Variants in GRIA1 observed in about 807,000 individuals in gnomAD.
The protein encoded by GRIA1 is glutamate receptor 1.
GRIA1 carries 31 observed loss-of-function variants against 99.2 expected under a neutral mutation model. The ratio of observed to expected loss-of-function variants is 0.31; its 90% CI spans 0.23 to 0.42. The LOEUF (loss-of-function observed/expected upper bound fraction) is 0.42, where lower values mean the gene tolerates loss of function less well. Ranked by LOEUF, GRIA1 falls within the 10% of genes least tolerant of loss-of-function variation. The pLI, the probability that GRIA1 is intolerant of heterozygous loss-of-function variation, is 1.00. For synonymous variants in GRIA1, 438 were observed against 432.4 expected (o/e 1.01, Z -0.16); for missense variants, 782 against 1,157.5 (o/e 0.68, Z 4.71).
chr5:153,805,686 G>A (rs1766378503), intron 15 of GRIA1, among the ~76,000 whole-genome samples: 1 of 152,036 alleles, frequency 6.6e-6, no homozygotes, highest in Admixed American at 6.5e-5. Flanking sequence ...CTTAAAACTG[G>A]GACCATGTTG....
chr5:153,495,992 C>A (rs1429521460), intron 2 of GRIA1, among the ~76,000 whole-genome samples: 1 of 152,182 alleles, frequency 6.6e-6, no homozygotes, highest in Non-Finnish European at 1.5e-5. Flanking sequence ...GAATAAATAG[C>A]TGGTGTGTGT....
intron 12 of GRIA1, among the ~76,000 whole-genome samples, chr5:153,768,452 G>A (rs1244956744): frequency 2.0e-5 from 3 of 152,138 alleles, no homozygotes; most frequent in African/African-American, 7.2e-5. Context: ...GATATCCAGG[G>A]CTCCTCACAG....
intron 2 of GRIA1, among the ~76,000 whole-genome samples, chr5:153,610,002 G>A (rs890946156): frequency 6.6e-6 from 1 of 152,182 alleles, no homozygotes; most frequent in Non-Finnish European, 1.5e-5. Flanking sequence ...AAGCCCCTAT[G>A]GGGTTGGCAT....
intron 13 of GRIA1, among the ~76,000 whole-genome samples, chr5:153,785,022 C>G (rs2149644654): frequency 6.6e-6 from 1 of 152,222 alleles, no homozygotes; most frequent in East Asian, 1.9e-4. Flanking sequence ...AAAAATCCAC[C>G]CAGAGAAGGT....
chr5:153,710,604 T>C (rs1222047313), intron 11 of GRIA1, among the ~76,000 whole-genome samples: 1 of 152,234 alleles, frequency 6.6e-6, no homozygotes, highest in Non-Finnish European at 1.5e-5. Flanking sequence ...ACAAAACTTA[T>C]CTTTAGTACC....
intron 2 of GRIA1, among the ~76,000 whole-genome samples, chr5:153,597,101 G>A (rs536378226): frequency 6.6e-6 from 1 of 152,366 alleles, no homozygotes; most frequent in South Asian, 2.1e-4. Flanking sequence ...AAGGTCCTTT[G>A]AAGGGTTCAC....
rs34449755 is a variant in GRIA1 at position 153,491,245 on chromosome 5, GA to G, written c.82+285del. 1.5e-3 allele frequency: 1,857 copies of G among 1,231,572 alleles called. 2 individuals are homozygous for G. Among genetic ancestry groups the G allele is most frequent in the East Asian group, 4.2e-3 (134 of 31,654 alleles). The allele number at this position is 1,231,572 out of a possible 1,614,324, so 76.3% of individuals were successfully genotyped here. The stretch of plus-strand genomic sequence containing the variant: ...AAATGGAGGAACCATCGCTTTGGAG[GA>G]AAAAAAAAATCAGGCTGGAAAGGGT... On this transcript the variant is annotated intron_variant, in intron 1 of 15. Transcript: ENST00000285900.
At chr5:153,526,277 A>G (rs1222384983) in intron 2 of GRIA1, among the ~76,000 whole-genome samples, 1 of 152,214 alleles carries the variant, frequency 6.6e-6, no homozygotes, top group Non-Finnish European at 1.5e-5. Flanking sequence ...TCTATGAATT[A>G]ACACTTAGGA....
intron 1 of GRIA1, chr5:153,492,382 C>CAGCGCGT: frequency 7.4e-7 from 1 of 1,359,976 alleles, no homozygotes; most frequent in Non-Finnish European, 9.7e-7. Flanking sequence ...CCTTGTAGCC[C>CAGCGCGT]AGCCCGTAGC....
intron 2 of GRIA1, among the ~76,000 whole-genome samples, chr5:153,619,918 C>T (rs1326051323): frequency 6.6e-6 from 1 of 152,112 alleles, no homozygotes; most frequent in African/African-American, 2.4e-5. Flanking sequence ...CAAACTCCAC[C>T]CCAGAGCACT....
chr5:153,628,265 G>C lies in GRIA1; in HGVS notation c.221-18663G>C, dbSNP rs138461431. Among the ~76,000 whole-genome samples, 341 of 152,290 alleles carry C rather than the reference G, an allele frequency of 2.2e-3. 4 individuals are homozygous for C. Among genetic ancestry groups the C allele is most frequent in the African/African-American group, 8.1e-3 (336 of 41,552 alleles). ...CAGTGATGAGATTCTGCTCATCACA[G>C]GGGAGTTGGTGTAAAGAGGAAAGTC... On this transcript the variant is annotated intron_variant, in intron 2 of 15. Transcript: ENST00000285900.
At chr5:153,693,748 T>A (rs1217354676) in intron 8 of GRIA1, among the ~76,000 whole-genome samples, 1 of 152,226 alleles carries the variant, frequency 6.6e-6, no homozygotes, top group Non-Finnish European at 1.5e-5. Flanking sequence ...TAGGCCCCAA[T>A]CTTTACCAAC....
intron 14 of GRIA1, among the ~76,000 whole-genome samples, chr5:153,800,416 G>C (rs1220034438): frequency 2.0e-5 from 3 of 152,168 alleles, no homozygotes; most frequent in Non-Finnish European, 4.4e-5. Context: ...CATGTGAAGT[G>C]GGAATTTACC....
intron 4 of GRIA1, among the ~76,000 whole-genome samples, chr5:153,654,494 G>C (rs1326040878): frequency 1.3e-5 from 2 of 152,002 alleles, no homozygotes; most frequent in African/African-American, 4.8e-5. Flanking sequence ...CAAACCATTT[G>C]ACAAGCAGAT....
In GRIA1 at chr5:153,698,890, G is replaced by A; in HGVS notation, c.1269G>A (p.Lys423=). The change falls in exon 10 of 16, where the codon AAG becomes AAA. Residue 423 remains lysine (K), a synonymous_variant. Transcript: ENST00000285900. ...TILEDPYVML[K]KNANQFEGND... ...AGGAAGATCCTTATGTGATGCTCAA[G>A]AAGAACGCCAATCAGTTTGAGGGCA... 1 of 1,613,254 alleles carries A rather than the reference G, an allele frequency of 6.2e-7. No homozygotes were observed. Among genetic ancestry groups the A allele is most frequent in the African/African-American group, 1.3e-5 (1 of 75,028 alleles).
At chr5:153,793,106 G>T (rs1412521154) in intron 13 of GRIA1, among the ~76,000 whole-genome samples, 1 of 152,128 alleles carries the variant, frequency 6.6e-6, no homozygotes, top group Admixed American at 6.5e-5. Context: ...CCCAGGGAGG[G>T]ATCAACATGC....
chr5:153,791,217 T>C (rs1463415243), intron 13 of GRIA1, among the ~76,000 whole-genome samples: 2 of 151,538 alleles, frequency 1.3e-5, no homozygotes, highest in African/African-American at 4.8e-5. Context: ...GGAGGATTGC[T>C]TGAGGCCAGG....
intron 11 of GRIA1, among the ~76,000 whole-genome samples, chr5:153,723,423 G>A (rs931411470): frequency 2.0e-5 from 3 of 152,242 alleles, no homozygotes; most frequent in African/African-American, 7.2e-5. Flanking sequence ...CCATGCACGA[G>A]CTGAAGCAGG....
intron 11 of GRIA1, 194 bp downstream of exon 11, chr5:153,706,261 T>A (rs574232549): frequency 2.8e-5 from 17 of 609,716 alleles, no homozygotes; most frequent in Admixed American, 8.6e-5. Flanking sequence ...AGCTGGGCCA[T>A]CTCTGTCTGC....
Sources: gnomAD v4.1 joint callset for allele counts (sites outside exome capture counted in the v4.1 genomes callset) on GRCh38, gnomAD v4.1.1 for gene constraint, MANE v1.5 for transcripts, NCBI Gene and HGNC (gene_info 2026-07-23, HGNC 2026-07-21) for gene names.